Variants in TDRD15 observed in about 807,000 individuals in gnomAD.
The protein encoded by TDRD15 is tudor domain-containing protein 15.
For synonymous variants in TDRD15, 503 were observed against 314.5 expected (o/e 1.60, Z -6.34); for missense variants, 1,416 against 904.7 (o/e 1.57, Z -7.25).
rs955078886 is a variant in TDRD15 at position 21,139,902 on chromosome 2, C to G, written c.2435C>G (p.Ser812Cys). 2 of 716,002 alleles carry G rather than the reference C, an allele frequency of 2.8e-6. No homozygotes were observed. The highest frequency in any genetic ancestry group is 2.0e-5 in the Admixed American group (1 of 49,908). 44.4% of individuals were successfully genotyped at this position (716,002 alleles called of 1,614,324 possible). A position where few individuals can be genotyped will look rare whatever the true frequency, so the allele number is the denominator to read the frequency against. Reference sequence around the variant, plus strand: ...CAGACTGCTTGTGTTGCTAAGTATTCTGGGAAGTGGTGTAGAGCTGCTGTT... The same window carrying G: ...CAGACTGCTTGTGTTGCTAAGTATTGTGGGAAGTGGTGTAGAGCTGCTGTT... The part of the protein sequence containing the change: ...IGQTACVAKY[S>C]GKWCRAAVLT... Residue 812 changes from serine (S) to cysteine (C), a missense_variant, in exon 4 of 4, where the codon TCT becomes TGT. Transcript: ENST00000405799.
At chr2:21,146,529 C>A (rs1390070001), downstream of TDRD15, among the ~76,000 whole-genome samples, 1 of 151,962 alleles carries the variant, frequency 6.6e-6, no homozygotes, top group Admixed American at 6.6e-5. Flanking sequence ...TGCCCACATG[C>A]TTGTTTTTGC....
rs755197508 is a variant in TDRD15, at chr2:21,141,847, A to T, written c.4380A>T (p.Lys1460Asn). The change falls in exon 4 of 4, where the codon AAA becomes AAT. Residue 1460 changes from lysine to asparagine, a missense_variant. Lys to Asn is a moderately conservative substitution (Grantham distance 94, BLOSUM62 0). Transcript: ENST00000405799. ...AAGTAAATATGATTTGTGATGAAAAATGTGTCATTAATGAACTACTGAAAT... is the reference window on the plus strand; with the variant it reads ...AAGTAAATATGATTTGTGATGAAAATTGTGTCATTAATGAACTACTGAAAT... Reference protein sequence around the residue: ...KWEVNMICDEKCVINELLKWK... With the variant: ...KWEVNMICDENCVINELLKWK... The T allele has an allele frequency of 2.4e-4, 175 of 714,960 alleles. No homozygotes were observed. The highest frequency in any genetic ancestry group is 2.5e-4 in the Non-Finnish European group (95 of 383,594). 44.3% of individuals were successfully genotyped at this position (714,960 alleles called of 1,614,324 possible). A position where few individuals can be genotyped will look rare whatever the true frequency, so the allele number is the denominator to read the frequency against.
intron 2 of TDRD15, among the ~76,000 whole-genome samples, chr2:21,129,201 C>T (rs1227955822): frequency 6.6e-6 from 1 of 151,866 alleles, no homozygotes; most frequent in East Asian, 1.9e-4. Flanking sequence ...TAAGAATGGT[C>T]CTGTCCAAAT....
At chr2:21,128,260 G>A (rs1056286636) in intron 2 of TDRD15, among the ~76,000 whole-genome samples, 1 of 151,088 alleles carries the variant, frequency 6.6e-6, no homozygotes, top group African/African-American at 2.4e-5. Flanking sequence ...TTATGTTAAG[G>A]ATGCTTTTTA....
chr2:21,138,038 C>A lies in TDRD15; in HGVS notation c.571C>A (p.Arg191Ser), dbSNP rs140081299. Reference protein sequence around the residue: ...LGRLVDGDSFRLIVEMLEEFP... With the variant: ...LGRLVDGDSFSLIVEMLEEFP... ...AAGACTTGTTGATGGAGATTCATTTCGTCTTATTGTGGAAATGTTAGAAGA... is the reference window on the plus strand; with the variant it reads ...AAGACTTGTTGATGGAGATTCATTTAGTCTTATTGTGGAAATGTTAGAAGA... The change falls in exon 4 of 4, where the codon CGT (arginine) becomes AGT (serine). Residue 191 changes from arginine to serine, a missense_variant. Arg to Ser is a moderately radical substitution (Grantham distance 110, BLOSUM62 -1). Coordinates refer to ENST00000405799, the MANE Select transcript of TDRD15 (RefSeq NM_001306137.2). 4 of 715,974 alleles carry A rather than the reference C, an allele frequency of 5.6e-6. No homozygotes were observed. The Admixed American group carries it at 8.0e-5, about 14-fold the overall frequency. 44.4% of individuals were successfully genotyped at this position (715,974 alleles called of 1,614,324 possible).
chr2:21,132,562 A>G (rs1458505135), intron 2 of TDRD15, among the ~76,000 whole-genome samples: 1 of 152,068 alleles, frequency 6.6e-6, no homozygotes, highest in Non-Finnish European at 1.5e-5. Context: ...TGTGAGTGGA[A>G]TGATAGTGGG....
rs533083728 is a variant in TDRD15 at position 21,141,041 on chromosome 2, G to A, written c.3574G>A (p.Glu1192Lys). The A allele has an allele frequency of 2.3e-4, 163 of 706,612 alleles. No homozygotes were observed. The African/African-American group carries it at 2.6e-3, about 11-fold the overall frequency. 43.8% of individuals were successfully genotyped at this position (706,612 alleles called of 1,614,324 possible). ...INKPSPVTYSERKIDQLMHPK... is the reference protein window; with the variant it reads ...INKPSPVTYSKRKIDQLMHPK... ...TAAACCTAGTCCAGTAACATATTCC[G>A]AAAGAAAAATAGACCAATTGATGCA... The change falls in exon 4 of 4, where the codon GAA (glutamate) becomes AAA (lysine). Residue 1192 changes from glutamate to lysine, a missense_variant. Glu to Lys is a moderately conservative substitution (Grantham distance 56, BLOSUM62 1). Transcript: ENST00000405799.
chr2:21,147,200 CTG>C (rs1430120083), downstream of TDRD15, among the ~76,000 whole-genome samples: 1 of 151,828 alleles, frequency 6.6e-6, no homozygotes, highest in Non-Finnish European at 1.5e-5. Context: ...AAGCAAGAAA[CTG>C]AACTATATTT....
intron 2 of TDRD15, among the ~76,000 whole-genome samples, chr2:21,129,720 G>GT (rs1227194644): frequency 5.3e-4 from 81 of 151,856 alleles, no homozygotes; most frequent in East Asian, 1.7e-3. Context: ...CAATTGATCT[G>GT]TTTTTTTTAT....
At chr2:21,135,292 A>G (rs2103441045) in intron 3 of TDRD15, among the ~76,000 whole-genome samples, 1 of 151,500 alleles carries the variant, frequency 6.6e-6, no homozygotes, top group Middle Eastern at 3.4e-3. Flanking sequence ...CAAGGGTAGG[A>G]GCTTTGTCCA....
In TDRD15 at chr2:21,142,384, T is replaced by C; in HGVS notation, c.4917T>C (p.Pro1639=). The part of the protein sequence containing the change: ...EIRNIPRQAV[P]CKWIWFENSK... ...GAAACATTCCTAGACAAGCTGTACC[T>C]TGTAAATGGATTTGGTTTGAAAATT... is the stretch of plus-strand genomic sequence containing the variant. Residue 1639 remains proline, a synonymous_variant, in exon 4 of 4, where the codon CCT becomes CCC. Transcript: ENST00000405799. The C allele has an allele frequency of 1.4e-6, 1 of 704,804 alleles. No individual in the cohort carries two copies. The allele number at this position is 704,804 out of a possible 1,614,324, so 43.7% of individuals were successfully genotyped here.
chr2:21,132,637 A>G (rs73920467), intron 2 of TDRD15, among the ~76,000 whole-genome samples: 2,381 of 152,192 alleles, frequency 0.016, 67 homozygotes, highest in African/African-American at 0.054. Context: ...ATTGATTTTA[A>G]TGTTGTTTAT....
Position 21,139,702 on chromosome 2 carries a change from G to A in TDRD15, c.2235G>A (p.Trp745Ter). 1.4e-6 allele frequency: 1 copy of A among 714,978 alleles called. No individual in the cohort carries two copies. The highest frequency in any genetic ancestry group is 2.6e-6 in the Non-Finnish European group (1 of 383,812). 44.3% of individuals were successfully genotyped at this position (714,978 alleles called of 1,614,324 possible). Residue 745 changes from tryptophan to a stop codon, truncating the protein, a stop_gained, in exon 4 of 4, where the codon TGG (tryptophan) becomes TGA (stop). Transcript: ENST00000405799. LOFTEE classifies it low-confidence loss of function (END_TRUNC). Reference protein sequence around the residue: ...FTLSVGPESSWPYKEYIFRPG... With the variant: ...FTLSVGPESS ...TGTCTGTGGGACCTGAGTCATCCTGGCCTTATAAAGAATATATTTTTAGAC... is the reference window on the plus strand; with the variant it reads ...TGTCTGTGGGACCTGAGTCATCCTGACCTTATAAAGAATATATTTTTAGAC...
intron 2 of TDRD15, among the ~76,000 whole-genome samples, chr2:21,129,000 G>A (rs1665656261): frequency 6.6e-6 from 1 of 151,838 alleles, no homozygotes; most frequent in South Asian, 2.1e-4. Flanking sequence ...GCAGTGGCAG[G>A]ATCTTGGCTC....
chr2:21,124,862 AGT>A (rs1179848677), intron 1 of TDRD15, among the ~76,000 whole-genome samples: 4 of 126,252 alleles, frequency 3.2e-5, no homozygotes, highest in African/African-American at 1.2e-4. Context: ...CTAATGCCAG[AGT>A]GTGTGTGTAT....
chr2:21,147,310 T>A (rs1445856100), downstream of TDRD15, among the ~76,000 whole-genome samples: 2 of 151,632 alleles, frequency 1.3e-5, no homozygotes, highest in Non-Finnish European at 2.9e-5. Context: ...AAGAGACGAT[T>A]TATGAGTAAG....
Position 21,137,575 on chromosome 2 carries a change from T to A in TDRD15, c.108T>A (p.Ser36Arg). 4.2e-6 allele frequency: 3 copies of A among 715,548 alleles called. No homozygotes were observed. 44.3% of individuals were successfully genotyped at this position (715,548 alleles called of 1,614,324 possible). The change falls in exon 4 of 4, where the codon AGT becomes AGA. Residue 36 changes from serine (S) to arginine (R), a missense_variant. Physicochemically the swap from Ser to Arg is moderately radical, Grantham distance 110 (BLOSUM62 -1). Coordinates refer to ENST00000405799, the MANE Select transcript of TDRD15 (RefSeq NM_001306137.2). Reference sequence around the variant, plus strand: ...TGGTGAAATTTCAAGGCATAAAGAGTAATGAATGTGAGTTTGACTACCATG... The same window carrying A: ...TGGTGAAATTTCAAGGCATAAAGAGAAATGAATGTGAGTTTGACTACCATG... Reference protein sequence around the residue: ...DILVKFQGIKSNECEFDYHVL... With the variant: ...DILVKFQGIKRNECEFDYHVL...
intron 1 of TDRD15, among the ~76,000 whole-genome samples, chr2:21,127,278 G>A (rs933785980): frequency 1.3e-5 from 2 of 151,602 alleles, no homozygotes; most frequent in Non-Finnish European, 2.9e-5. Context: ...TCTTTTTATT[G>A]TGTCTTTGGA....
intron 3 of TDRD15, among the ~76,000 whole-genome samples, 180 bp downstream of exon 3, chr2:21,135,027 ATTATAT>A (rs1413035767): frequency 2.8e-5 from 4 of 145,234 alleles, no homozygotes; most frequent in South Asian, 4.2e-4. Flanking sequence ...ATTGTGTATA[ATTATAT>A]TTATACACAA....
Sources: allele counts gnomAD v4.1 joint callset (sites outside exome capture counted in the v4.1 genomes callset), GRCh38; gene constraint gnomAD v4.1.1; transcripts MANE v1.5; gene names NCBI Gene and HGNC (gene_info 2026-07-23, HGNC 2026-07-21).